The following SLC36A1 variants were observed in gnomAD, a reference collection of about 807,000 sequenced individuals.
SLC36A1 encodes proton-coupled amino acid transporter 1.
Under a neutral mutation model 47.5 loss-of-function variants are expected in SLC36A1, and 30 were observed. That is an observed-to-expected ratio of 0.63 (90% CI 0.47 to 0.86). The LOEUF is 0.86. Ranked by LOEUF, SLC36A1 falls within the 40% of genes least tolerant of loss-of-function variation. The pLI is 0.00. For synonymous variants in SLC36A1, 255 were observed against 249.7 expected, an observed-to-expected ratio of 1.02 and a Z score of -0.20; for missense variants, 517 against 606.0, an observed-to-expected ratio of 0.85 and a Z score of 1.54.
chr5:151,414,654 A>G, the SLC36A1 span: 2 of 152,100 alleles, frequency 1.3e-5, no homozygotes, highest in Non-Finnish European at 2.9e-5. Flanking sequence ...ATCTCGTGCC[A>G]TCTTGTATTT....
At chr5:151,399,327 T>A in the SLC36A1 span, among the ~76,000 whole-genome samples, 19 of 152,036 alleles carry the variant, frequency 1.2e-4, no homozygotes, top group Non-Finnish European at 2.1e-4. Flanking sequence ...CCTCAGGTGA[T>A]CTGCCCACCT....
the SLC36A1 span, chr5:151,526,064 C>T: frequency 8.9e-7 from 1 of 1,120,478 alleles, no homozygotes; most frequent in Non-Finnish European, 1.3e-6. Flanking sequence ...GTCCTCAGCA[C>T]TCTGACTGCT....
the SLC36A1 span, among the ~76,000 whole-genome samples, chr5:151,518,330 C>T: frequency 7.0e-6 from 1 of 142,774 alleles, no homozygotes; most frequent in Non-Finnish European, 1.5e-5. Context: ...GCCTGGGTGA[C>T]AGAGAGAGAC....
At chr5:151,424,284 A>G in the SLC36A1 span, among the ~76,000 whole-genome samples, 1 of 152,200 alleles carries the variant, frequency 6.6e-6, no homozygotes, top group African/African-American at 2.4e-5. Flanking sequence ...GATGGAACCC[A>G]AAGTGTGCAG....
the SLC36A1 span, among the ~76,000 whole-genome samples, chr5:151,367,374 T>TTTTTTTTTTTTCCC: frequency 6.9e-6 from 1 of 145,466 alleles, no homozygotes; most frequent in African/African-American, 2.6e-5. Flanking sequence ...TTTTTTTTTT[T>TTTTTTTTTTTTCCC]CCCCAGGGTA....
the SLC36A1 span, among the ~76,000 whole-genome samples, chr5:151,553,582 C>T: frequency 6.6e-6 from 1 of 152,220 alleles, no homozygotes; most frequent in Non-Finnish European, 1.5e-5. Context: ...CGGTGGTGAA[C>T]AAAACGTATA....
the SLC36A1 span, chr5:151,543,325 T>G: frequency 1.9e-6 from 3 of 1,613,784 alleles, no homozygotes; most frequent in Non-Finnish European, 2.5e-6. Flanking sequence ...AACCGGAGAG[T>G]CTTTACTGAC....
chr5:151,442,782 T>C (rs1349251773), upstream of SLC36A1, among the ~76,000 whole-genome samples: 1 of 152,138 alleles, frequency 6.6e-6, no homozygotes, highest in Non-Finnish European at 1.5e-5. Flanking sequence ...CTCAGCTGCA[T>C]TTCTCCACTT....
chr5:151,448,453 G>A (rs116345527), intron 1 of SLC36A1, among the ~76,000 whole-genome samples: 2,543 of 152,290 alleles, frequency 0.017, 43 homozygotes, highest in Middle Eastern at 0.044. Flanking sequence ...TGCTCTGGGT[G>A]TGGTTCCCTG....
chr5:151,406,174 C>T, the SLC36A1 span, among the ~76,000 whole-genome samples: 2 of 152,314 alleles, frequency 1.3e-5, no homozygotes, highest in Admixed American at 6.5e-5. Flanking sequence ...ACAGCTTCCT[C>T]TCTTGGGGTG....
the SLC36A1 span, chr5:151,534,509 A>T: frequency 6.2e-7 from 1 of 1,614,098 alleles, no homozygotes; most frequent in South Asian, 1.1e-5. Flanking sequence ...ACCGCGGGGC[A>T]TTGTCATTCA....
At chr5:151,432,560 A>C (rs559108237), upstream of SLC36A1, among the ~76,000 whole-genome samples, 1 of 152,266 alleles carries the variant, frequency 6.6e-6, no homozygotes, top group South Asian at 2.1e-4. Flanking sequence ...TATTCAATTA[A>C]ACACTAATCT....
chr5:151,527,137 C>A, the SLC36A1 span: 1 of 1,263,338 alleles, frequency 7.9e-7, no homozygotes, highest in Non-Finnish European at 1.1e-6. Context: ...AAGTCACAGT[C>A]ATTGTTCATG....
chr5:151,429,761 A>T, the SLC36A1 span, among the ~76,000 whole-genome samples: 1 of 152,234 alleles, frequency 6.6e-6, no homozygotes, highest in Non-Finnish European at 1.5e-5. Flanking sequence ...TTAGCTCAAC[A>T]TTCTCTTCCT....
the SLC36A1 span, among the ~76,000 whole-genome samples, chr5:151,379,445 T>C: frequency 6.6e-6 from 1 of 152,248 alleles, no homozygotes; most frequent in African/African-American, 2.4e-5. Flanking sequence ...GCGATTCTCC[T>C]GCCTCAGCCT....
upstream of SLC36A1, among the ~76,000 whole-genome samples, chr5:151,435,532 C>A (rs181079171): frequency 1.0e-3 from 156 of 151,890 alleles, no homozygotes; most frequent in Non-Finnish European, 1.8e-3. Flanking sequence ...AAATATGTGA[C>A]ATTATTATTA....
At chr5:151,527,672 C>G in the SLC36A1 span, among the ~76,000 whole-genome samples, 6 of 152,136 alleles carry the variant, frequency 3.9e-5, no homozygotes, top group Admixed American at 6.5e-5. Flanking sequence ...TGGCATAAAT[C>G]CTTATAAAAC....
At chr5:151,534,972 T>A in the SLC36A1 span, among the ~76,000 whole-genome samples, 3 of 79,584 alleles carry the variant, frequency 3.8e-5, no homozygotes, top group African/African-American at 1.6e-4. Context: ...TCTAGGAAAA[T>A]ATATATATAT....
the SLC36A1 span, chr5:151,378,648 C>T: frequency 6.3e-6 from 1 of 159,284 alleles, no homozygotes; most frequent in Non-Finnish European, 1.4e-5. Context: ...CATCATCTCT[C>T]ATAGTAGCTG....
Sources: allele counts gnomAD v4.1 joint callset (sites outside exome capture counted in the v4.1 genomes callset), GRCh38; gene constraint gnomAD v4.1.1; transcripts MANE v1.5; gene names NCBI Gene and HGNC (gene_info 2026-07-23, HGNC 2026-07-21).